SETD7: variants seen among roughly 807,000 people sequenced by gnomAD.
SETD7 encodes the protein histone-lysine N-methyltransferase SETD7.
In SETD7, 16 loss-of-function variants were observed where a neutral mutation model predicts 41.8. The ratio of observed to expected loss-of-function variants is 0.38; its 90% CI spans 0.26 to 0.58. The LOEUF (loss-of-function observed/expected upper bound fraction) is 0.58, where lower values mean the gene tolerates loss of function less well. SETD7 is among the 20% of genes least tolerant of loss of function. The probability of loss-of-function intolerance (pLI) is 0.64; values close to 1 mark genes in which losing one functional copy is unlikely to be tolerated. For missense variants in SETD7, 346 were observed against 459.7 expected (o/e 0.75, Z 2.26); for synonymous variants, 163 against 169.7 (o/e 0.96, Z 0.31).
downstream of SETD7, among the ~76,000 whole-genome samples, chr4:139,502,386 A>G (rs903287085): frequency 2.0e-5 from 3 of 152,180 alleles, no homozygotes; most frequent in African/African-American, 7.2e-5. Context: ...GTTGCAGTTT[A>G]AGTGGGGTGG....
At chr4:139,501,433 G>A (rs1007056484), downstream of SETD7, among the ~76,000 whole-genome samples, 1 of 151,640 alleles carries the variant, frequency 6.6e-6, no homozygotes, top group Non-Finnish European at 1.5e-5. Flanking sequence ...AGACTCAGAA[G>A]GGGGAGGGTG....
chr4:139,529,908 C>T (rs537886500), intron 3 of SETD7, among the ~76,000 whole-genome samples: 2 of 152,276 alleles, frequency 1.3e-5, no homozygotes, highest in East Asian at 3.9e-4. Context: ...TTCTTTCTTT[C>T]CACTCTATTT....
At chr4:139,496,603 C>G in intron 7 of SETD7, 1 of 629,494 alleles carries the variant, frequency 1.6e-6, no homozygotes, top group Admixed American at 2.8e-5. Context: ...TGCTGAAAAG[C>G]CAGAAAGGAG....
At chr4:139,543,990 A>AC (rs1727857987) in intron 2 of SETD7, among the ~76,000 whole-genome samples, 2 of 151,394 alleles carry the variant, frequency 1.3e-5, no homozygotes, top group Non-Finnish European at 2.9e-5. Context: ...AAACAAACAA[A>AC]AATTAGTGAA....
intron 7 of SETD7, among the ~76,000 whole-genome samples, chr4:139,499,340 C>A (rs528489747): frequency 1.3e-5 from 2 of 152,328 alleles, no homozygotes; most frequent in South Asian, 4.1e-4. Context: ...GAGGCTTGAA[C>A]TTTGCTAAAG....
intron 7 of SETD7, among the ~76,000 whole-genome samples, chr4:139,513,580 C>T (rs1307947803): frequency 6.6e-6 from 1 of 152,116 alleles, no homozygotes; most frequent in Non-Finnish European, 1.5e-5. Flanking sequence ...ACCAAAGGGG[C>T]CTCTATGTCC....
chr4:139,539,259 A>C (rs1039519071), intron 2 of SETD7, among the ~76,000 whole-genome samples: 1 of 152,064 alleles, frequency 6.6e-6, no homozygotes, highest in Non-Finnish European at 1.5e-5. Flanking sequence ...ATGAATAATC[A>C]CTCCTTAAAC....
intron 1 of SETD7, among the ~76,000 whole-genome samples, chr4:139,547,400 C>T (rs896990781): frequency 1.2e-4 from 18 of 152,162 alleles, no homozygotes; most frequent in Admixed American, 4.6e-4. Flanking sequence ...AGTACTCTCC[C>T]GAGAGTCCTC....
rs544840020 is a variant in SETD7 at position 139,535,406 on chromosome 4, C to T, written c.171-2040G>A. Among the ~76,000 whole-genome samples, 5 of 152,252 alleles carry T rather than the reference C, an allele frequency of 3.3e-5. No homozygotes were observed. In the South Asian group the frequency reaches 1.0e-3, roughly 32 times the overall value. ...TTAACTAGATTTTTATTTGCTCATC[C>T]TGGCAACCCTATTGACTTTGGACTC... On this transcript the variant is annotated intron_variant, in intron 2 of 7. Transcript: ENST00000274031.
At chr4:139,499,370 T>C (rs1726525622) in intron 7 of SETD7, among the ~76,000 whole-genome samples, 1 of 152,238 alleles carries the variant, frequency 6.6e-6, no homozygotes. Flanking sequence ...AGTTAAACAA[T>C]GACCTGCCAT....
Position 139,506,634 on chromosome 4 carries a change from G to A in SETD7, c.*5029C>T, listed in dbSNP as rs1210493003. 7 of 152,526 alleles carry A rather than the reference G, an allele frequency of 4.6e-5. No homozygotes were observed. Among genetic ancestry groups the A allele is most frequent in the South Asian group, 4.2e-4 (2 of 4,818 alleles). 9.4% of individuals were successfully genotyped at this position (152,526 alleles called of 1,614,324 possible). A position where few individuals can be genotyped will look rare whatever the true frequency, so the allele number is the denominator to read the frequency against. ...ATACATTGGCATGTGTGTTCGTATT[G>A]CTACTATACACAGTGAAAATTTATC... On this transcript the variant is annotated 3_prime_UTR_variant, in exon 8 of 8. Coordinates refer to ENST00000274031, the MANE Select transcript of SETD7 (RefSeq NM_030648.4).
At chr4:139,522,153 G>T (rs1166953102) in intron 5 of SETD7, among the ~76,000 whole-genome samples, 1 of 152,188 alleles carries the variant, frequency 6.6e-6, no homozygotes, top group African/African-American at 2.4e-5. Context: ...AGAGCCTCAT[G>T]TCAAAAAAGA....
chr4:139,553,311 G>C (rs948002170), intron 1 of SETD7, among the ~76,000 whole-genome samples: 1 of 152,158 alleles, frequency 6.6e-6, no homozygotes, highest in Admixed American at 6.5e-5. Context: ...GAAGAAAAAA[G>C]ATAGCTATTG....
chr4:139,530,283 T>C (rs1434131955), intron 3 of SETD7, among the ~76,000 whole-genome samples: 1 of 151,686 alleles, frequency 6.6e-6, no homozygotes, highest in Admixed American at 6.6e-5. Context: ...TTTCTCCAAC[T>C]TGAGGATCTA....
chr4:139,536,656 G>T (rs1219541899), intron 2 of SETD7, among the ~76,000 whole-genome samples: 1 of 151,920 alleles, frequency 6.6e-6, no homozygotes, highest in Non-Finnish European at 1.5e-5. Context: ...AGGTTGCAGT[G>T]AGCTGAAATT....
In SETD7 at chr4:139,556,026, C is replaced by T. The variant is rs544572618; in HGVS notation, c.40+72G>A. 5.5e-6 allele frequency: 8 copies of T among 1,460,290 alleles called. No individual in the cohort carries two copies. The South Asian group carries it at 6.5e-5, about 12-fold the overall frequency. The allele number at this position is 1,460,290 out of a possible 1,614,324, so 90.5% of individuals were successfully genotyped here. A position where few individuals can be genotyped will look rare whatever the true frequency, so the allele number is the denominator to read the frequency against. On this transcript the variant is annotated intron_variant, in intron 1 of 7. Coordinates refer to ENST00000274031, the MANE Select transcript of SETD7 (RefSeq NM_030648.4). ...CCGCGGGGCCCGGCGCCGCGCTGTTCGCAGCCCGCCACTCCTTCCGCGCTC... is the reference window on the plus strand; with the variant it reads ...CCGCGGGGCCCGGCGCCGCGCTGTTTGCAGCCCGCCACTCCTTCCGCGCTC...
At chr4:139,542,660 G>C (rs991645448) in intron 2 of SETD7, among the ~76,000 whole-genome samples, 14 of 151,976 alleles carry the variant, frequency 9.2e-5, no homozygotes, top group African/African-American at 3.4e-4. Context: ...AAGCGGGGGG[G>C]AGCACTTTCA....
rs1728220027 is a variant in SETD7, at chr4:139,555,159, C to T, written c.40+939G>A. ...CAAACAACGAGATTGTATAACGTCCCCACATCGTTTTTTCAGAACTAACAA... is the reference window on the plus strand; with the variant it reads ...CAAACAACGAGATTGTATAACGTCCTCACATCGTTTTTTCAGAACTAACAA... On this transcript the variant is annotated intron_variant, in intron 1 of 7. Coordinates refer to ENST00000274031, the MANE Select transcript of SETD7 (RefSeq NM_030648.4). The surrounding 1 kb of genome is among the most constrained non-coding windows in gnomAD (Gnocchi z 4.0). Among the ~76,000 whole-genome samples, 1 of 147,738 alleles carries T rather than the reference C, an allele frequency of 6.8e-6. No homozygotes were observed. Among genetic ancestry groups the T allele is most frequent in the African/African-American group, 2.5e-5 (1 of 39,342 alleles).
intron 5 of SETD7, 28 bp from the exon 6 acceptor site, chr4:139,520,422 A>T: frequency 1.5e-6 from 2 of 1,338,522 alleles, no homozygotes; most frequent in Non-Finnish European, 2.1e-6. Flanking sequence ...TTGAATAGTG[A>T]CCTTTTCAGC....
Sources: gnomAD v4.1 joint callset for allele counts (sites outside exome capture counted in the v4.1 genomes callset) on GRCh38, gnomAD v4.1.1 for gene constraint, Gnocchi (gnomAD v3.1) non-coding constraint, MANE v1.5 for transcripts, NCBI Gene and HGNC (gene_info 2026-07-23, HGNC 2026-07-21) for gene names.